Variants in SOX6 observed in about 807,000 individuals in gnomAD.
SOX6 encodes the protein SRY-box transcription factor 6.
Under a neutral mutation model 97.8 loss-of-function variants are expected in SOX6, and 11 were observed. The ratio of observed to expected loss-of-function variants is 0.11; its 90% CI spans 0.07 to 0.19. The LOEUF (loss-of-function observed/expected upper bound fraction) is 0.19. Ranked by LOEUF, SOX6 falls within the 10% of genes least tolerant of loss-of-function variation. The pLI, the probability that SOX6 is intolerant of heterozygous loss-of-function variation, is 1.00. For synonymous variants in SOX6, 360 were observed against 371.4 expected (o/e 0.97, Z 0.35); for missense variants, 810 against 1,039.5 (o/e 0.78, Z 3.04).
chr11:16,711,432 AG>A (rs1402331168), intron 3 of SOX6, among the ~76,000 whole-genome samples: 1 of 151,802 alleles, frequency 6.6e-6, no homozygotes, highest in Non-Finnish European at 1.5e-5. Flanking sequence ...TGGAGATGGG[AG>A]GATCACTTGA....
At position 16,196,967 on chromosome 11, in the gene SOX6, G is replaced by T. The variant is rs566825596; in HGVS notation, c.536-10012C>A. Among the ~76,000 whole-genome samples the T allele has an allele frequency of 1.3e-3, 196 of 151,490 alleles. 1 individual carries two copies. The highest frequency in any genetic ancestry group is 4.7e-3 in the African/African-American group (192 of 41,240). On this transcript the variant is annotated intron_variant, in intron 4 of 15. Coordinates refer to ENST00000683767, the MANE Select transcript of SOX6 (RefSeq NM_001367873.1). ...TCCTGCCTCAGCCTCCCAAGTAGCT[G>T]GAACTACAGGTGCCTGCCACCACGC... is the stretch of plus-strand genomic sequence containing the variant.
At chr11:16,094,028 A>C (rs1489967420) in intron 9 of SOX6, among the ~76,000 whole-genome samples, 1 of 151,952 alleles carries the variant, frequency 6.6e-6, no homozygotes. Context: ...ATGCAGGAAA[A>C]AGGTGCAAAA....
intron 1 of SOX6, among the ~76,000 whole-genome samples, chr11:16,371,969 G>A (rs895117278): frequency 6.6e-6 from 1 of 152,022 alleles, no homozygotes; most frequent in Non-Finnish European, 1.5e-5. Context: ...CTCAGTATAT[G>A]TTAGCTAATA....
intron 7 of SOX6, among the ~76,000 whole-genome samples, chr11:16,110,150 G>T (rs968015951): frequency 6.6e-6 from 1 of 152,052 alleles, no homozygotes; most frequent in Non-Finnish European, 1.5e-5. Flanking sequence ...AGATGTCTAC[G>T]TCTAACAGAA....
intron 6 of SOX6, among the ~76,000 whole-genome samples, chr11:16,124,594 C>T (rs186602276): frequency 6.6e-6 from 1 of 152,082 alleles, no homozygotes; most frequent in Admixed American, 6.6e-5. Flanking sequence ...AGAAAAGCAA[C>T]TCAGGCAGAG....
intron 4 of SOX6, among the ~76,000 whole-genome samples, chr11:16,498,571 G>A (rs189454432): frequency 0.091 from 13,773 of 152,062 alleles, 789 homozygotes; most frequent in Non-Finnish European, 0.13. Context: ...CCCATCTCAC[G>A]TGCAGAGACA....
rs1848076698 is a variant in SOX6 at position 16,585,051 on chromosome 11, A to G, written n.609+27030T>C. ...TATGAAACTCAAAAATGAAGAGGTT[A>G]TAATAAAGGAATTTTAGTTCCAATA... On this transcript the variant is annotated intron_variant and non_coding_transcript_variant, in intron 4 of 5. Coordinates refer to the SOX6 transcript ENST00000524520. 1.3e-5 allele frequency among the ~76,000 whole-genome samples: 2 copies of G among 152,232 alleles called. 1 individual carries two copies. Among genetic ancestry groups the G allele is most frequent in the Non-Finnish European group, 2.9e-5 (2 of 68,030 alleles).
At chr11:16,170,046 TC>T (rs1793535493) in intron 6 of SOX6, among the ~76,000 whole-genome samples, 1 of 152,102 alleles carries the variant, frequency 6.6e-6, no homozygotes, top group African/African-American at 2.4e-5. Context: ...GAATGCTTCC[TC>T]CTGTGTTGGT....
At chr11:16,012,520 TG>T (rs1854762263) in intron 13 of SOX6, among the ~76,000 whole-genome samples, 1 of 152,014 alleles carries the variant, frequency 6.6e-6, no homozygotes, top group Non-Finnish European at 1.5e-5. Context: ...CCTTCTACTA[TG>T]ATACTCATCA....
intron 4 of SOX6, among the ~76,000 whole-genome samples, chr11:16,537,191 G>C (rs182634063): frequency 1.3e-5 from 2 of 152,334 alleles, no homozygotes; most frequent in East Asian, 3.9e-4. Context: ...AACAAGATCT[G>C]GAGTGGACCT....
intron 3 of SOX6, among the ~76,000 whole-genome samples, chr11:16,299,423 T>A (rs887486968): frequency 2.4e-4 from 37 of 151,844 alleles, no homozygotes; most frequent in Non-Finnish European, 4.9e-4. Context: ...TGAGCCCAGA[T>A]TTTTTTTATA....
chr11:16,482,312 G>A (rs182678347), intron 4 of SOX6, among the ~76,000 whole-genome samples: 3 of 152,212 alleles, frequency 2.0e-5, no homozygotes, highest in African/African-American at 4.8e-5. Context: ...GGATCTTTTA[G>A]CCATGCATGA....
At chr11:15,996,271 A>C (rs772416412) in intron 13 of SOX6, among the ~76,000 whole-genome samples, 1 of 152,204 alleles carries the variant, frequency 6.6e-6, no homozygotes, top group Non-Finnish European at 1.5e-5. Context: ...GAAGTGGTAA[A>C]ATTTTAACTG....
At chr11:16,357,914 G>A (rs1857115425), upstream of SOX6, among the ~76,000 whole-genome samples, 1 of 152,150 alleles carries the variant, frequency 6.6e-6, no homozygotes, top group Admixed American at 6.5e-5. Flanking sequence ...ATTCAATGCT[G>A]CAGATTTATT....
intron 6 of SOX6, among the ~76,000 whole-genome samples, chr11:16,145,081 C>A (rs934924875): frequency 6.6e-6 from 1 of 152,198 alleles, no homozygotes; most frequent in African/African-American, 2.4e-5. Context: ...CCCTGATGAA[C>A]ATCAATGCAA....
At chr11:16,455,741 A>G (rs922353952) in intron 1 of SOX6, among the ~76,000 whole-genome samples, 5 of 152,084 alleles carry the variant, frequency 3.3e-5, no homozygotes, top group African/African-American at 1.2e-4. Flanking sequence ...ATTTTAATAC[A>G]AGAAGATACA....
At chr11:16,703,791 C>A (rs941490282) in intron 3 of SOX6, among the ~76,000 whole-genome samples, 32 of 152,126 alleles carry the variant, frequency 2.1e-4, no homozygotes, top group African/African-American at 7.5e-4. Flanking sequence ...ATTTGTATTT[C>A]TCTTAATAGC....
At chr11:15,995,201 A>G (rs1239357688) in intron 13 of SOX6, among the ~76,000 whole-genome samples, 1 of 152,178 alleles carries the variant, frequency 6.6e-6, no homozygotes, top group African/African-American at 2.4e-5. Context: ...TGCAAGAGAA[A>G]CAGAATTTGA....
chr11:16,119,267 T>C (rs1315512853), intron 6 of SOX6, among the ~76,000 whole-genome samples: 1 of 152,182 alleles, frequency 6.6e-6, no homozygotes, highest in Non-Finnish European at 1.5e-5. Flanking sequence ...GGACTTATAG[T>C]TAATTCTGGA....
Sources: gnomAD v4.1 joint callset for allele counts (sites outside exome capture counted in the v4.1 genomes callset) on GRCh38, gnomAD v4.1.1 for gene constraint, MANE v1.5 for transcripts, NCBI Gene and HGNC (gene_info 2026-07-23, HGNC 2026-07-21) for gene names.